Variants in MSH6 observed in about 807,000 individuals in gnomAD.
MSH6 encodes DNA mismatch repair protein Msh6.
In MSH6, 85 loss-of-function variants were observed where a neutral mutation model predicts 119.1. The ratio of observed to expected loss-of-function variants is 0.71; its 90% confidence interval spans 0.60 to 0.85. The LOEUF (loss-of-function observed/expected upper bound fraction) is 0.85, where lower values mean the gene tolerates loss of function less well. Among genes scored for constraint, MSH6 ranks in the 40% least tolerant of loss-of-function variants. MSH6 has a pLI of 0.00. For missense variants in MSH6, 2,163 were observed against 1,655.3 expected (o/e 1.31, Z -5.32); for synonymous variants, 830 against 586.9 (o/e 1.41, Z -5.99).
At chr2:47,786,851 G>T (rs1306416984) in intron 1 of MSH6, among the ~76,000 whole-genome samples, 1 of 151,994 alleles carries the variant, frequency 6.6e-6, no homozygotes, top group Non-Finnish European at 1.5e-5. Context: ...GCCCAGGCTG[G>T]TGTTGAACTC....
rs1446456295 is a variant in MSH6 at position 47,799,782 on chromosome 2, A to G, written c.1799A>G (p.Asn600Ser). The part of the protein sequence containing the change: ...PPVQVLFEKG[N>S]LSKETKTILK... ...GTACAAGTTTTATTTGAAAAAGGAA[A>G]TCTCTCAAAGGAAACTAAAACAATT... is the stretch of plus-strand genomic sequence containing the variant. The change falls in exon 4 of 10, where the codon AAT (asparagine) becomes AGT (serine). Residue 600 changes from asparagine to serine, a missense_variant. Asn to Ser is a conservative substitution (Grantham distance 46). Coordinates refer to ENST00000234420, the MANE Select transcript of MSH6 (RefSeq NM_000179.3). 5 of 1,614,168 alleles carry G rather than the reference A, an allele frequency of 3.1e-6. No homozygotes were observed. The highest frequency in any genetic ancestry group is 2.7e-5 in the African/African-American group (2 of 75,052).
chr2:47,788,922 GTTTTTTTTTT>G (rs1558650240), intron 1 of MSH6, among the ~76,000 whole-genome samples: 1,050 of 40,890 alleles, frequency 0.026, 38 homozygotes, highest in African/African-American at 0.061. Flanking sequence ...TTTTTTTTTT[GTTTTTTTTTT>G]TTTTTTTTTT....
chr2:47,788,905 TCC>T (rs763125764), intron 1 of MSH6, among the ~76,000 whole-genome samples: 867 of 73,478 alleles, frequency 0.012, 17 homozygotes, highest in Non-Finnish European at 0.015. Flanking sequence ...TCTTTCTTCT[TCC>T]TTTTTTTTTT....
At chr2:47,789,288 A>T (rs945071153) in intron 1 of MSH6, 3 of 370,332 alleles carry the variant, frequency 8.1e-6, no homozygotes, top group Non-Finnish European at 1.6e-5. Flanking sequence ...ATGGTATATA[A>T]AGGATAAAAT....
intron 5 of MSH6, among the ~76,000 whole-genome samples, 189 bp from the exon 6 acceptor site, chr2:47,804,721 G>GC (rs915303153): frequency 2.0e-5 from 3 of 152,188 alleles, no homozygotes; most frequent in African/African-American, 7.2e-5. Context: ...GAGGCCCTAT[G>GC]CCTCTTGTCT....
chr2:47,783,656 T>A (rs1174843453), intron 1 of MSH6, 163 bp downstream of exon 1: 1 of 671,406 alleles, frequency 1.5e-6, no homozygotes, highest in Non-Finnish European at 2.3e-6. Context: ...AGGGGTCGAG[T>A]CTGGAGCATT....
At chr2:47,795,784 A>T in intron 2 of MSH6, 110 bp from the exon 3 acceptor site, 1 of 912,050 alleles carries the variant, frequency 1.1e-6, no homozygotes, top group Non-Finnish European at 1.8e-6. Flanking sequence ...ATATATTTTA[A>T]GATAGAGATG....
rs2104508374 is a variant in MSH6, at chr2:47,804,989, T to A, written c.3518T>A (p.Val1173Glu). The A allele has an allele frequency of 6.2e-7, 1 of 1,613,904 alleles. No homozygotes were observed. Residue 1173 changes from valine to glutamate, a missense_variant, in exon 6 of 10, where the codon GTG (valine) becomes GAG (glutamate). Transcript: ENST00000234420. ...TGCAGGCTCACACCAATTGATAGAG[T>A]GTTTACTAGACTTGGTGCCTCAGAC... is the stretch of plus-strand genomic sequence containing the variant. ...EVCRLTPIDR[V>E]FTRLGASDRI... is the part of the protein sequence containing the mutation.
At chr2:47,788,313 G>C (rs1292502311) in intron 1 of MSH6, among the ~76,000 whole-genome samples, 20 of 133,506 alleles carry the variant, frequency 1.5e-4, no homozygotes, top group African/African-American at 5.1e-4. Flanking sequence ...GGAGTGCAGT[G>C]GCACGATCTC....
At chr2:47,784,852 A>C (rs1414311129) in intron 1 of MSH6, 1 of 152,142 alleles carries the variant, frequency 6.6e-6, no homozygotes, top group East Asian at 1.9e-4. Flanking sequence ...TTTGAGACAG[A>C]GTCTTGCTCT....
At chr2:47,798,486 T>C in intron 3 of MSH6, 125 bp from the exon 4 acceptor site, 1 of 994,044 alleles carries the variant, frequency 1.0e-6, no homozygotes, top group Admixed American at 2.2e-5. Flanking sequence ...AATACTGTAC[T>C]AAAAATGAAA....
At position 47,803,350 on chromosome 2, in the gene MSH6, A is replaced by G. The variant is rs1019006436; in HGVS notation, c.3173-70A>G. 15 of 1,579,656 alleles carry G rather than the reference A, an allele frequency of 9.5e-6. 1 individual carries two copies. Among genetic ancestry groups the G allele is most frequent in the South Asian group, 3.3e-5 (3 of 90,358 alleles). ...TAATGAAATGTGTTATATAAAGAAG[A>G]CCTATAAAACACTTAGGCTGATAAA... On this transcript the variant is annotated intron_variant, in intron 4 of 9. Coordinates refer to ENST00000234420, the MANE Select transcript of MSH6 (RefSeq NM_000179.3).
chr2:47,803,530 C>T lies in MSH6; in HGVS notation c.3283C>T (p.Arg1095Cys), dbSNP rs376243329. 211 of 1,613,950 alleles carry T rather than the reference C, an allele frequency of 1.3e-4. No homozygotes were observed. Among genetic ancestry groups the T allele is most frequent in the Middle Eastern group, 4.9e-4 (3 of 6,084 alleles). Residue 1095 changes from arginine (R) to cysteine (C), a missense_variant, in exon 5 of 10, where the codon CGC becomes TGC. Coordinates refer to ENST00000234420, the MANE Select transcript of MSH6 (RefSeq NM_000179.3). Reference protein sequence around the residue: ...TPPFLELKGSRHPCITKTFFG... With the variant: ...TPPFLELKGSCHPCITKTFFG... ...CCCCTTCTTAGAGCTTAAAGGATCA[C>T]GCCATCCTTGCATTACGAAGACTTT... is the stretch of plus-strand genomic sequence containing the variant.
intron 1 of MSH6, among the ~76,000 whole-genome samples, chr2:47,785,831 G>A (rs902891818): frequency 3.3e-5 from 5 of 152,182 alleles, no homozygotes; most frequent in Admixed American, 2.6e-4. Context: ...ATATTGAATA[G>A]CGTATGTTAT....
intron 6 of MSH6, 79 bp from the exon 7 acceptor site, chr2:47,805,539 A>T: frequency 1.1e-6 from 1 of 937,904 alleles, no homozygotes; most frequent in South Asian, 1.3e-5. Flanking sequence ...AGCTCATGAT[A>T]GCTATATAAC....
intron 1 of MSH6, among the ~76,000 whole-genome samples, chr2:47,788,924 T>TC (rs1401139913): frequency 5.6e-5 from 4 of 71,388 alleles, no homozygotes; most frequent in African/African-American, 2.7e-4. Flanking sequence ...TTTTTTTTGT[T>TC]TTTTTTTTTT....
rs1210587626 is a variant in MSH6, at chr2:47,791,253, G to T, written c.457+130G>T. Reference sequence around the variant, plus strand: ...ATTTTACCCCAGTAAATTGCAAGGGGTGGCAGTTGTGAAAGCTTCTGGCAT... The same window carrying T: ...ATTTTACCCCAGTAAATTGCAAGGGTTGGCAGTTGTGAAAGCTTCTGGCAT... On this transcript the variant is annotated intron_variant, in intron 2 of 9. Coordinates refer to ENST00000234420, the MANE Select transcript of MSH6 (RefSeq NM_000179.3). 6.0e-6 allele frequency: 5 copies of T among 829,516 alleles called. No individual in the cohort carries two copies. In the Admixed American group the frequency reaches 8.7e-5, roughly 14 times the overall value. 51.4% of individuals were successfully genotyped at this position (829,516 alleles called of 1,614,324 possible).
chr2:47,791,509 C>T (rs1668728804), intron 2 of MSH6, among the ~76,000 whole-genome samples: 1 of 152,096 alleles, frequency 6.6e-6, no homozygotes. Context: ...CTTCAAACTA[C>T]TCACTAATGA....
chr2:47,803,504 C>G lies in MSH6; in HGVS notation c.3257C>G (p.Pro1086Arg), dbSNP rs780345806. The change falls in exon 5 of 10, where the codon CCC (proline) becomes CGC (arginine). Residue 1086 changes from proline (P) to arginine (R), a missense_variant. Coordinates refer to ENST00000234420, the MANE Select transcript of MSH6 (RefSeq NM_000179.3). ...GTAATTCTGTTGCCGGAAGATACCC[C>G]CCCCTTCTTAGAGCTTAAAGGATCA... Reference protein sequence around the residue: ...RPVILLPEDTPPFLELKGSRH... With the variant: ...RPVILLPEDTRPFLELKGSRH... 1 of 1,614,126 alleles carries G rather than the reference C, an allele frequency of 6.2e-7. No individual in the cohort carries two copies. Among genetic ancestry groups the G allele is most frequent in the Non-Finnish European group, 8.5e-7 (1 of 1,180,036 alleles).
Sources: gnomAD v4.1 joint callset for allele counts (sites outside exome capture counted in the v4.1 genomes callset) on GRCh38, gnomAD v4.1.1 for gene constraint, MANE v1.5 for transcripts, NCBI Gene and HGNC (gene_info 2026-07-23, HGNC 2026-07-21) for gene names.